TOM1: variants seen among roughly 807,000 people sequenced by gnomAD.
The protein encoded by TOM1 is target of Myb protein 1.
TOM1 carries 38 observed loss-of-function variants against 61.3 expected under a neutral mutation model. That is an observed-to-expected ratio of 0.62 (90% CI 0.48 to 0.81). TOM1 has a LOEUF of 0.81. TOM1 is among the 40% of genes least tolerant of loss of function. The pLI is 0.00. For missense variants in TOM1, 591 were observed against 659.6 expected, an observed-to-expected ratio of 0.90 and a Z score of 1.14; for synonymous variants, 270 against 268.8, an observed-to-expected ratio of 1.00 and a Z score of -0.04.
intron 11 of TOM1, chr22:35,336,770 G>C (rs1929377769): frequency 6.6e-6 from 1 of 152,224 alleles, no homozygotes; most frequent in African/African-American, 2.4e-5. Context: ...ACTGGGCAGG[G>C]GGCAGCAGGC....
chr22:35,331,416 A>C (rs1928837281), intron 8 of TOM1: 1 of 425,142 alleles, frequency 2.4e-6, no homozygotes, highest in African/African-American at 2.1e-5. Flanking sequence ...CCACCTGCCC[A>C]CCTTGTATCA....
At chr22:35,306,370 C>T (rs1475801811) in intron 1 of TOM1, among the ~76,000 whole-genome samples, 1 of 152,104 alleles carries the variant, frequency 6.6e-6, no homozygotes, top group East Asian at 1.9e-4. Flanking sequence ...CCATGTGAGC[C>T]CTAATATCTT....
In TOM1 at chr22:35,334,334, G is replaced by A. The variant is rs1929099277; in HGVS notation, c.1034G>A (p.Gly345Asp). The part of the protein sequence containing the change: ...LSSQLAGMNL[G>D]SSSVRAGLQS... ...GGCCTTTCTGTCCCTGCAGACCTGG[G>A]CTCCAGCAGTGTGAGAGCTGGCCTG... is the stretch of plus-strand genomic sequence containing the variant. Residue 345 changes from glycine (G) to aspartate (D), a missense_variant, in exon 11 of 15, where the codon GGC (glycine) becomes GAC (aspartate). Physicochemically the swap from Gly to Asp is moderately conservative, Grantham distance 94. Transcript: ENST00000449058. 10 of 1,613,218 alleles carry A rather than the reference G, an allele frequency of 6.2e-6. No individual in the cohort carries two copies. The East Asian group carries it at 1.8e-4, about 29-fold the overall frequency.
rs775691549 is a variant in TOM1, at chr22:35,323,555, G to A, written c.426G>A (p.Glu142=). Residue 142 remains glutamate (E), a synonymous_variant, in exon 5 of 15, where the codon GAG becomes GAA. Coordinates refer to ENST00000449058, the MANE Select transcript of TOM1 (RefSeq NM_005488.3). This position sits in a 1 kb window ranked among gnomAD's most constrained non-coding sequence, Gnocchi z 4.2. ...TGACAGGTGTGGTCACCATCTATGA[G>A]GACCTGCGGAGGAAAGGCCTGGAGT... ...PDLTGVVTIY[E]DLRRKGLEFP... 6 of 1,614,134 alleles carry A rather than the reference G, an allele frequency of 3.7e-6. No homozygotes were observed. Among genetic ancestry groups the A allele is most frequent in the Non-Finnish European group, 5.1e-6 (6 of 1,180,032 alleles).
chr22:35,323,906 C>G lies in TOM1; in HGVS notation c.640C>G (p.Pro214Ala). ...LSGDTPIAPT[P>A]EQIGKLRSEL... ...CGGTGACACGCCCATAGCACCAACC[C>G]CGGAACAGGTAAACGAGCCTGGGGT... Residue 214 changes from proline (P) to alanine (A), a missense_variant, in exon 6 of 15, where the codon CCG becomes GCG. Transcript: ENST00000449058. This position sits in a 1 kb window ranked among gnomAD's most constrained non-coding sequence, Gnocchi z 4.2. 6.4e-7 allele frequency: 1 copy of G among 1,564,536 alleles called. No homozygotes were observed. The highest frequency in any genetic ancestry group is 8.7e-7 in the Non-Finnish European group (1 of 1,153,254).
At chr22:35,319,588 GCTT>G (rs1233585655) in intron 2 of TOM1, among the ~76,000 whole-genome samples, 5 of 152,244 alleles carry the variant, frequency 3.3e-5, no homozygotes, top group Non-Finnish European at 5.9e-5. Context: ...GCTCTAGGAG[GCTT>G]CTTCTCTCCC....
chr22:35,324,107 T>TCA (rs1470966161), intron 6 of TOM1, among the ~76,000 whole-genome samples, 193 bp downstream of exon 6: 1 of 152,200 alleles, frequency 6.6e-6, no homozygotes, highest in Non-Finnish European at 1.5e-5. Context: ...GAGCACACAG[T>TCA]CATCAGAGAC....
chr22:35,345,460 GTTC>G, intron 12 of TOM1: 1 of 563,436 alleles, frequency 1.8e-6, no homozygotes, highest in Non-Finnish European at 3.2e-6. Flanking sequence ...CGGAACTGGG[GTTC>G]TTCTCTTCAA....
chr22:35,317,774 C>T lies in TOM1; in HGVS notation c.53-103C>T, dbSNP rs1328422538. ...AGGAAGTGTCTGTCATCTTCCTCCTCCCCATCTCATCCGGCCCTGCACCCC... is the reference window on the plus strand; with the variant it reads ...AGGAAGTGTCTGTCATCTTCCTCCTTCCCATCTCATCCGGCCCTGCACCCC... On this transcript the variant is annotated intron_variant, in intron 1 of 14. Transcript: ENST00000449058. 6 of 800,344 alleles carry T rather than the reference C, an allele frequency of 7.5e-6. No homozygotes were observed. In the East Asian group the frequency reaches 1.2e-4, roughly 17 times the overall value. 49.6% of individuals were successfully genotyped at this position (800,344 alleles called of 1,614,324 possible).
In TOM1 at chr22:35,347,816, A is replaced by C. The variant is rs1220899593; in HGVS notation, c.*607A>C. 1 of 152,982 alleles carries C rather than the reference A, an allele frequency of 6.5e-6. No individual in the cohort carries two copies. The highest frequency in any genetic ancestry group is 1.5e-5 in the Non-Finnish European group (1 of 68,338). The allele number at this position is 152,982 out of a possible 1,614,324, so 9.5% of individuals were successfully genotyped here. On this transcript the variant is annotated 3_prime_UTR_variant, in exon 15 of 15. Coordinates refer to ENST00000449058, the MANE Select transcript of TOM1 (RefSeq NM_005488.3). The stretch of plus-strand genomic sequence containing the variant: ...AGCCCCAGGCTGCAGGTGAGGCTTC[A>C]GGGGATGCTGGGGCCCCACTGCCCC...
At chr22:35,332,047 T>C (rs1195513002) in intron 8 of TOM1, among the ~76,000 whole-genome samples, 1 of 152,220 alleles carries the variant, frequency 6.6e-6, no homozygotes, top group African/African-American at 2.4e-5. Flanking sequence ...GTCTGATAAC[T>C]GACATGAGTT....
At position 35,322,335 on chromosome 22, in the gene TOM1, AGGCCTCCGC is replaced by A. The variant is rs1927867557; in HGVS notation, c.216+301_216+309del. On this transcript the variant is annotated intron_variant, in intron 3 of 14. Transcript: ENST00000449058. ...GGTGACATTGAAGCTCAGTAAACCC[AGGCCTCCGC>A]GGGGGCAGGGAGGCCGGCTGACTGA... The A allele has an allele frequency of 4.9e-5, 18 of 370,186 alleles. No individual in the cohort carries two copies. The East Asian group carries it at 9.1e-4, about 19-fold the overall frequency. 22.9% of individuals were successfully genotyped at this position (370,186 alleles called of 1,614,324 possible).
chr22:35,327,453 TC>T, intron 7 of TOM1, 66 bp downstream of exon 7: 5 of 1,127,586 alleles, frequency 4.4e-6, no homozygotes, highest in Non-Finnish European at 6.6e-6. Context: ...ATGCATTCTT[TC>T]CCAATCCTCA....
chr22:35,345,054 A>C (rs1930388089), intron 12 of TOM1: 1 of 153,392 alleles, frequency 6.5e-6, no homozygotes, highest in Non-Finnish European at 1.5e-5. Context: ...TAGAGAGGAA[A>C]GCCTCCAACT....
intron 12 of TOM1, 27 bp from the exon 13 acceptor site, chr22:35,345,698 T>C: frequency 6.2e-7 from 1 of 1,611,690 alleles, no homozygotes; most frequent in Non-Finnish European, 8.5e-7. Context: ...CCTAGGGCAC[T>C]GCCTTACCCT....
chr22:35,319,739 G>T (rs1220373719), intron 2 of TOM1, among the ~76,000 whole-genome samples: 1 of 152,222 alleles, frequency 6.6e-6, no homozygotes, highest in Non-Finnish European at 1.5e-5. Flanking sequence ...TCAGTGGCCA[G>T]GCCAAGACCA....
At chr22:35,329,006 A>G (rs1163446604) in intron 7 of TOM1, among the ~76,000 whole-genome samples, 2 of 152,114 alleles carry the variant, frequency 1.3e-5, no homozygotes, top group African/African-American at 4.8e-5. Context: ...CCCAGGCTGG[A>G]GTGCAGTGGC....
At position 35,340,298 on chromosome 22, in the gene TOM1, G is replaced by A. The variant is rs1338726506; in HGVS notation, c.1224+1510G>A. On this transcript the variant is annotated intron_variant, in intron 12 of 14. Transcript: ENST00000449058. ...TGAGGCTAGCATGGGGTTGGGGGTA[G>A]GAAGTGAAGCTCTATGGGTATATAG... Among the ~76,000 whole-genome samples the A allele has an allele frequency of 3.9e-5, 6 of 152,224 alleles. No homozygotes were observed. The South Asian group carries it at 1.0e-3, about 26-fold the overall frequency.
At chr22:35,313,334 G>A (rs1034327855) in intron 1 of TOM1, among the ~76,000 whole-genome samples, 6 of 150,800 alleles carry the variant, frequency 4.0e-5, no homozygotes, top group Admixed American at 6.6e-5. Flanking sequence ...GTGACAGAAC[G>A]AGACTGTCTC....
Sources: allele counts gnomAD v4.1 joint callset (sites outside exome capture counted in the v4.1 genomes callset), GRCh38; gene constraint gnomAD v4.1.1; non-coding constraint Gnocchi (gnomAD v3.1); transcripts MANE v1.5; gene names NCBI Gene and HGNC (gene_info 2026-07-23, HGNC 2026-07-21).